Variants in TMEM238L observed in about 807,000 individuals in gnomAD.
The protein encoded by TMEM238L is transmembrane protein 238-like.
chr17:10,795,543 C>T (rs1457953952), exon 2 of TMEM238L: 1 of 152,256 alleles, frequency 6.6e-6, no homozygotes, highest in Non-Finnish European at 1.5e-5. Context: ...AGCAACAATC[C>T]TGCTTGATAT....
chr17:10,801,844 C>A (rs1411128834), intron 1 of TMEM238L, among the ~76,000 whole-genome samples: 1 of 151,892 alleles, frequency 6.6e-6, no homozygotes, highest in African/African-American at 2.4e-5. Flanking sequence ...TGCAGTGGTG[C>A]AATCTCTGCT....
chr17:10,801,807 G>A (rs954996799), intron 1 of TMEM238L, among the ~76,000 whole-genome samples: 1 of 151,604 alleles, frequency 6.6e-6, no homozygotes, highest in African/African-American at 2.4e-5. Context: ...AATTGAGACA[G>A]GTCTCACTCT....
chr17:10,796,962 C>T (rs118022993), intron 1 of TMEM238L, among the ~76,000 whole-genome samples: 14 of 152,302 alleles, frequency 9.2e-5, no homozygotes, highest in Admixed American at 2.0e-4. Context: ...GACCCTGCCA[C>T]TATAACATGA....
intron 1 of TMEM238L, among the ~76,000 whole-genome samples, chr17:10,799,398 A>G (rs1052841889): frequency 6.6e-6 from 1 of 152,094 alleles, no homozygotes. Context: ...GGGTTTCACT[A>G]TGTTGGCCAG....
exon 2 of TMEM238L, chr17:10,795,893 G>A (rs146685798): frequency 6.6e-6 from 1 of 152,334 alleles, no homozygotes; most frequent in East Asian, 1.9e-4. Flanking sequence ...CTGTTAAAGG[G>A]TGTTCTGTAA....
At chr17:10,800,036 A>G (rs1458068108) in intron 1 of TMEM238L, among the ~76,000 whole-genome samples, 4 of 150,766 alleles carry the variant, frequency 2.7e-5, no homozygotes, top group Non-Finnish European at 5.9e-5. Context: ...GGTCCACGCC[A>G]TTCTCCTGCC....
At chr17:10,802,954 C>T (rs560086219) in intron 1 of TMEM238L, among the ~76,000 whole-genome samples, 13 of 152,272 alleles carry the variant, frequency 8.5e-5, no homozygotes, top group Admixed American at 5.2e-4. Flanking sequence ...GCCTTGGAGA[C>T]TGGCTGGGCA....
In TMEM238L at chr17:10,798,735, G is replaced by T. The variant is rs577149624; in HGVS notation, c.*119-2787C>A. 5.3e-5 allele frequency among the ~76,000 whole-genome samples: 8 copies of T among 151,872 alleles called. No homozygotes were observed. In the South Asian group the frequency reaches 8.4e-4, roughly 16 times the overall value. ...GTGAGTGTGTGGGGGGCGTGTTTGTGTGTGCATGAACACGTGGAGTAGAAG... is the reference window on the plus strand; with the variant it reads ...GTGAGTGTGTGGGGGGCGTGTTTGTTTGTGCATGAACACGTGGAGTAGAAG... On this transcript the variant is annotated intron_variant, in intron 1 of 1. Transcript: ENST00000581851.
chr17:10,803,951 TC>T lies in TMEM238L; in HGVS notation c.12del (p.Ser5ValfsTer37). ...CCTGGATGGCATCTTCCCCACAGAC[TC>T]CCCAGGAGCATTGCCCAGGAGGAGC... On this transcript the variant is annotated frameshift_variant, in exon 1 of 2. Transcript: ENST00000581851. LOFTEE classifies it high-confidence loss of function. The T allele has an allele frequency of 2.5e-6, 1 of 398,742 alleles. No individual in the cohort carries two copies. The highest frequency in any genetic ancestry group is 2.1e-5 in the African/African-American group (1 of 48,566). 24.7% of individuals were successfully genotyped at this position (398,742 alleles called of 1,614,324 possible).
chr17:10,796,188 T>C (rs1904537295), intron 1 of TMEM238L, among the ~76,000 whole-genome samples: 1 of 152,202 alleles, frequency 6.6e-6, no homozygotes, highest in African/African-American at 2.4e-5. Context: ...AAGCACTGAA[T>C]GAGATCATGA....
At chr17:10,801,393 C>T (rs1424258626) in intron 1 of TMEM238L, among the ~76,000 whole-genome samples, 1 of 152,172 alleles carries the variant, frequency 6.6e-6, no homozygotes, top group African/African-American at 2.4e-5. Context: ...AGAGGGCCCT[C>T]GAGGCCCTGC....
intron 1 of TMEM238L, among the ~76,000 whole-genome samples, chr17:10,800,560 C>T (rs568149124): frequency 1.3e-5 from 2 of 152,322 alleles, no homozygotes; most frequent in Non-Finnish European, 2.9e-5. Flanking sequence ...CAGGGCCTCA[C>T]CCTCTGTAAT....
At chr17:10,796,137 C>T (rs1328834159) in intron 1 of TMEM238L, among the ~76,000 whole-genome samples, 189 bp from the exon 2 acceptor site, 2 of 152,176 alleles carry the variant, frequency 1.3e-5, no homozygotes, top group East Asian at 3.8e-4. Flanking sequence ...GCTTCCTTTG[C>T]CTGGAAAATG....
At chr17:10,795,463 T>G (rs1904512976) in exon 2 of TMEM238L, 1 of 152,226 alleles carries the variant, frequency 6.6e-6, no homozygotes, top group Non-Finnish European at 1.5e-5. Context: ...CTGGTCAGTG[T>G]CAAAGGGTAG....
At chr17:10,799,344 C>T (rs1904661329) in intron 1 of TMEM238L, among the ~76,000 whole-genome samples, 1 of 152,218 alleles carries the variant, frequency 6.6e-6, no homozygotes, top group Admixed American at 6.5e-5. Flanking sequence ...GTTACAGGCA[C>T]ATGCCACAAT....
intron 1 of TMEM238L, among the ~76,000 whole-genome samples, chr17:10,799,170 G>C (rs529793128): frequency 1.3e-3 from 205 of 152,300 alleles, no homozygotes; most frequent in Non-Finnish European, 2.5e-3. Context: ...GGGGCAGGGT[G>C]GGGGCAGGTC....
intron 1 of TMEM238L, among the ~76,000 whole-genome samples, chr17:10,798,979 C>T (rs1470653664): frequency 6.6e-6 from 1 of 152,140 alleles, no homozygotes; most frequent in Non-Finnish European, 1.5e-5. Flanking sequence ...GCTTGTCTCT[C>T]TTGGAGCACA....
chr17:10,799,821 G>T lies in TMEM238L; in HGVS notation c.*118+3785C>A, dbSNP rs145191753. ...GTTCTGGGTGAAATGTGTGTTACGG[G>T]GTGGGTAGGGCTGCTGGACTCCTGT... On this transcript the variant is annotated intron_variant, in intron 1 of 1. Coordinates refer to ENST00000581851, the Ensembl canonical transcript of TMEM238L. 4.5e-3 allele frequency among the ~76,000 whole-genome samples: 678 copies of T among 152,258 alleles called. 4 individuals are homozygous for T. The highest frequency in any genetic ancestry group is 0.015 in the African/African-American group (635 of 41,548).
At chr17:10,804,069 A>G in exon 1 of TMEM238L, 1 of 400,610 alleles carries the variant, frequency 2.5e-6, no homozygotes, top group Non-Finnish European at 4.4e-6. Flanking sequence ...GGGTGTGAGC[A>G]AATGAGCGAG....
Sources: gnomAD v4.1 joint callset for allele counts (sites outside exome capture counted in the v4.1 genomes callset) on GRCh38, gnomAD v4.1.1 for gene constraint, MANE v1.5 for transcripts, NCBI Gene and HGNC (gene_info 2026-07-23, HGNC 2026-07-21) for gene names.